The following CTNNA3 variants were observed in gnomAD, a reference collection of about 807,000 sequenced individuals.
CTNNA3 encodes the protein catenin alpha 3.
CTNNA3 carries 76 observed loss-of-function variants against 95.7 expected under a neutral mutation model. That is an observed-to-expected ratio of 0.79 (90% confidence interval 0.66 to 0.96). The LOEUF is 0.96. Ranked by LOEUF, CTNNA3 falls within the 40% of genes least tolerant of loss-of-function variation. CTNNA3 has a pLI of 0.00. For synonymous variants in CTNNA3, 431 were observed against 374.4 expected (o/e 1.15, Z -1.74); for missense variants, 1,191 against 1,089.8 (o/e 1.09, Z -1.31).
intron 5 of CTNNA3, among the ~76,000 whole-genome samples, chr10:67,303,615 C>A (rs1381687606): frequency 2.0e-5 from 3 of 152,172 alleles, no homozygotes; most frequent in African/African-American, 7.2e-5. Flanking sequence ...CAGGAATGGT[C>A]ATTTACTATT....
chr10:67,324,995 G>A (rs2616707), intron 5 of CTNNA3, among the ~76,000 whole-genome samples: 152,189 of 152,254 alleles, frequency 1, 76,062 homozygotes, highest in Middle Eastern at 1. Context: ...GAATTTATCT[G>A]TTTCTTCCAG....
chr10:66,689,244 A>G (rs1021084364), intron 9 of CTNNA3, among the ~76,000 whole-genome samples: 1 of 152,116 alleles, frequency 6.6e-6, no homozygotes, highest in Non-Finnish European at 1.5e-5. Flanking sequence ...AGTGGTATAA[A>G]AATTTTTTTT....
At chr10:67,174,205 T>G (rs1236382344) in intron 7 of CTNNA3, among the ~76,000 whole-genome samples, 1 of 152,236 alleles carries the variant, frequency 6.6e-6, no homozygotes, top group Admixed American at 6.5e-5. Context: ...CTACTTTTTA[T>G]TATTTCAGCT....
At chr10:67,124,453 C>CA (rs939846007) in intron 7 of CTNNA3, among the ~76,000 whole-genome samples, 12 of 150,098 alleles carry the variant, frequency 8.0e-5, no homozygotes, top group Non-Finnish European at 1.6e-4. Context: ...GAAAATATTA[C>CA]AAAAAATCAA....
intron 13 of CTNNA3, among the ~76,000 whole-genome samples, chr10:66,126,872 T>C (rs543263068): frequency 6.6e-6 from 1 of 152,182 alleles, no homozygotes; most frequent in Admixed American, 6.5e-5. Flanking sequence ...AAATTCCAAA[T>C]AATTCCAAAG....
chr10:66,797,754 A>G (rs569975284), intron 7 of CTNNA3, among the ~76,000 whole-genome samples: 1 of 151,774 alleles, frequency 6.6e-6, no homozygotes, highest in Non-Finnish European at 1.5e-5. Context: ...TACTTATTTC[A>G]TCTCTATTTG....
At chr10:67,384,121 G>T (rs1451336567) in intron 5 of CTNNA3, among the ~76,000 whole-genome samples, 10 of 151,992 alleles carry the variant, frequency 6.6e-5, no homozygotes, top group Non-Finnish European at 1.5e-5. Flanking sequence ...TGCCAGAAAG[G>T]ATATAAAGTG....
intron 7 of CTNNA3, among the ~76,000 whole-genome samples, chr10:67,079,166 G>C (rs1856902319): frequency 6.6e-6 from 1 of 152,166 alleles, no homozygotes; most frequent in South Asian, 2.1e-4. Context: ...CTGATGTTCT[G>C]CTGGCTGTAT....
chr10:66,953,513 TC>T (rs1848642591), intron 7 of CTNNA3, among the ~76,000 whole-genome samples: 1 of 152,180 alleles, frequency 6.6e-6, no homozygotes, highest in Non-Finnish European at 1.5e-5. Context: ...ATCATGTTCT[TC>T]CAGAAAGACT....
At chr10:66,531,373 G>C (rs569404084) in intron 10 of CTNNA3, among the ~76,000 whole-genome samples, 1 of 131,950 alleles carries the variant, frequency 7.6e-6, no homozygotes, top group East Asian at 2.0e-4. Context: ...AATTAAATTA[G>C]ATTATGGTTT....
At chr10:67,726,453 T>TATATAATATATA (rs1564841178) in intron 1 of CTNNA3, among the ~76,000 whole-genome samples, 4 of 63,852 alleles carry the variant, frequency 6.3e-5, no homozygotes, top group East Asian at 8.4e-4. Context: ...TATAATATTA[T>TATATAATATATA]ATATGATATA....
chr10:65,990,055 T>C (rs2078507791), intron 15 of CTNNA3, among the ~76,000 whole-genome samples: 2 of 4,690 alleles, frequency 4.3e-4, no homozygotes, highest in South Asian at 0.023. Context: ...TTTTAATGGC[T>C]GTGTTTCATT....
At chr10:66,887,664 A>G (rs1845096318) in intron 7 of CTNNA3, among the ~76,000 whole-genome samples, 1 of 152,156 alleles carries the variant, frequency 6.6e-6, no homozygotes, top group African/African-American at 2.4e-5. Context: ...TCTTTTGTCT[A>G]TAGCTTCTGT....
intron 16 of CTNNA3, among the ~76,000 whole-genome samples, chr10:65,980,107 G>A (rs2078287836): frequency 6.6e-6 from 1 of 151,788 alleles, no homozygotes; most frequent in Admixed American, 6.6e-5. Flanking sequence ...GAAGACAGAA[G>A]GTCCAGATAA....
At chr10:67,298,665 T>G (rs938223369) in intron 5 of CTNNA3, among the ~76,000 whole-genome samples, 2 of 152,248 alleles carry the variant, frequency 1.3e-5, no homozygotes, top group African/African-American at 2.4e-5. Flanking sequence ...TGTAAAGATA[T>G]ACTGTTGTCC....
intron 15 of CTNNA3, among the ~76,000 whole-genome samples, chr10:66,025,687 G>A (rs978469280): frequency 6.6e-6 from 1 of 152,166 alleles, no homozygotes; most frequent in African/African-American, 2.4e-5. Flanking sequence ...GTATAATTAT[G>A]TAAAATGGAG....
chr10:67,700,519 C>A (rs1007743800), upstream of CTNNA3, among the ~76,000 whole-genome samples: 6 of 152,216 alleles, frequency 3.9e-5, no homozygotes, highest in African/African-American at 9.6e-5. Context: ...CAAACAGGGT[C>A]TGGAGTGGAC....
At chr10:66,429,511 C>T (rs1224566186) in intron 11 of CTNNA3, among the ~76,000 whole-genome samples, 5 of 152,264 alleles carry the variant, frequency 3.3e-5, no homozygotes, top group Admixed American at 2.0e-4. Flanking sequence ...CAATAAAATA[C>T]TGGCAAACTG....
At chr10:66,346,246 T>TATAGAGAGAGAG (rs1416945569) in intron 12 of CTNNA3, among the ~76,000 whole-genome samples, 4 of 27,778 alleles carry the variant, frequency 1.4e-4, no homozygotes, top group Non-Finnish European at 2.3e-4. Context: ...TATATATATA[T>TATAGAGAGAGAG]AGAGAGAGAG....
Sources: allele counts gnomAD v4.1 joint callset (sites outside exome capture counted in the v4.1 genomes callset), GRCh38; gene constraint gnomAD v4.1.1; transcripts MANE v1.5; gene names NCBI Gene and HGNC (gene_info 2026-07-23, HGNC 2026-07-21).